MACROD2: variants seen among roughly 807,000 people sequenced by gnomAD.
MACROD2 encodes the protein ADP-ribose glycohydrolase MACROD2.
In MACROD2, 36 loss-of-function variants were observed where a neutral mutation model predicts 70.4. The ratio of observed to expected loss-of-function variants is 0.51; its 90% CI spans 0.39 to 0.68. The LOEUF (loss-of-function observed/expected upper bound fraction) is 0.68, where lower values mean the gene tolerates loss of function less well. Among genes scored for constraint, MACROD2 ranks in the 30% least tolerant of loss-of-function variants. MACROD2 has a pLI of 0.00. For missense variants in MACROD2, 496 were observed against 538.4 expected, an observed-to-expected ratio of 0.92 and a Z score of 0.78; for synonymous variants, 172 against 178.8, an observed-to-expected ratio of 0.96 and a Z score of 0.30.
chr20:14,141,464 G>A (rs1428759281), intron 3 of MACROD2, among the ~76,000 whole-genome samples: 4 of 152,178 alleles, frequency 2.6e-5, no homozygotes, highest in Admixed American at 6.5e-5. Context: ...ATTAAAGGGC[G>A]GCTGGGCGCA....
intron 5 of MACROD2, among the ~76,000 whole-genome samples, chr20:14,827,957 T>C (rs2072921134): frequency 6.6e-6 from 1 of 152,116 alleles, no homozygotes; most frequent in Non-Finnish European, 1.5e-5. Flanking sequence ...ATTCATATTA[T>C]GATCACACCA....
In MACROD2 at chr20:15,515,932, A is replaced by G. The variant is rs80291365; in HGVS notation, c.645+16085A>G. On this transcript the variant is annotated intron_variant, in intron 8 of 17. Transcript: ENST00000684519. The stretch of plus-strand genomic sequence containing the variant: ...GCTTTAGACTGTTGTCTAAAATGGG[A>G]AGCTTATCCTCAGGACAAATTGGAG... 6.7e-3 allele frequency among the ~76,000 whole-genome samples: 1,024 copies of G among 152,282 alleles called. 17 individuals are homozygous for G. Among genetic ancestry groups the G allele is most frequent in the African/African-American group, 0.021 (889 of 41,566 alleles).
chr20:14,927,477 A>G (rs1172804939), intron 5 of MACROD2, among the ~76,000 whole-genome samples: 1 of 152,156 alleles, frequency 6.6e-6, no homozygotes, highest in African/African-American at 2.4e-5. Flanking sequence ...ACAGCTCCTC[A>G]AGAGAACCAG....
At chr20:14,356,988 A>C (rs572909727) in intron 3 of MACROD2, among the ~76,000 whole-genome samples, 2 of 152,338 alleles carry the variant, frequency 1.3e-5, no homozygotes, top group Non-Finnish European at 2.9e-5. Context: ...TGAACAAAAC[A>C]GGCAGAAGTG....
intron 8 of MACROD2, among the ~76,000 whole-genome samples, chr20:15,687,862 CTT>C (rs1220673299): frequency 2.6e-5 from 4 of 152,116 alleles, no homozygotes; most frequent in Non-Finnish European, 5.9e-5. Flanking sequence ...CAGCTTTCCT[CTT>C]TTTTTGGTTA....
chr20:15,361,306 C>A (rs1231036989), intron 6 of MACROD2, among the ~76,000 whole-genome samples: 2 of 152,168 alleles, frequency 1.3e-5, no homozygotes, highest in African/African-American at 2.4e-5. Flanking sequence ...GCTATAGCAA[C>A]ATTTGTTGAA....
intron 3 of MACROD2, among the ~76,000 whole-genome samples, chr20:14,214,914 C>T (rs1410144401): frequency 2.0e-5 from 3 of 151,676 alleles, no homozygotes; most frequent in Admixed American, 2.0e-4. Flanking sequence ...TCATTCAGGT[C>T]ACTGCAAATG....
At chr20:14,292,207 C>T (rs1006899023) in intron 3 of MACROD2, among the ~76,000 whole-genome samples, 2 of 151,898 alleles carry the variant, frequency 1.3e-5, no homozygotes, top group African/African-American at 2.4e-5. Context: ...ACAGCTCTTA[C>T]TAGCCAACAC....
intron 3 of MACROD2, among the ~76,000 whole-genome samples, chr20:14,271,805 T>A (rs971745131): frequency 6.6e-6 from 1 of 152,032 alleles, no homozygotes; most frequent in East Asian, 1.9e-4. Context: ...TTAAAGGAGC[T>A]GATGGAGCTG....
intron 8 of MACROD2, among the ~76,000 whole-genome samples, chr20:15,516,490 G>T (rs377385344): frequency 1.1e-4 from 16 of 152,262 alleles, no homozygotes; most frequent in African/African-American, 3.9e-4. Flanking sequence ...ACACAAAGAG[G>T]CAATGATCAC....
At chr20:15,440,346 G>C (rs117762949) in intron 7 of MACROD2, among the ~76,000 whole-genome samples, 6,353 of 152,222 alleles carry the variant, frequency 0.042, 170 homozygotes, top group Middle Eastern at 0.085. Flanking sequence ...AGCAGCTCTC[G>C]TGTTTATCCA....
intron 8 of MACROD2, among the ~76,000 whole-genome samples, chr20:15,861,188 C>T (rs551822603): frequency 2.0e-4 from 30 of 152,172 alleles, no homozygotes; most frequent in Non-Finnish European, 2.6e-4. Flanking sequence ...TGTATCTTTA[C>T]GTTTTGAAAG....
chr20:14,918,616 TG>T (rs372896939), intron 5 of MACROD2, among the ~76,000 whole-genome samples: 116 of 146,468 alleles, frequency 7.9e-4, no homozygotes, highest in Middle Eastern at 3.4e-3. Context: ...GTGTTTTTTT[TG>T]TTTTTTTTTT....
At chr20:15,079,573 C>T (rs970258026) in intron 5 of MACROD2, among the ~76,000 whole-genome samples, 1 of 152,046 alleles carries the variant, frequency 6.6e-6, no homozygotes, top group African/African-American at 2.4e-5. Context: ...TATATTCCAC[C>T]ATTCATCCTC....
At chr20:15,312,504 C>T (rs1198206416) in intron 6 of MACROD2, among the ~76,000 whole-genome samples, 3 of 151,944 alleles carry the variant, frequency 2.0e-5, no homozygotes, top group Non-Finnish European at 4.4e-5. Flanking sequence ...TGGTTTAGTA[C>T]TATGTATGCT....
chr20:14,340,283 G>A (rs1016294514), intron 3 of MACROD2, among the ~76,000 whole-genome samples: 4 of 152,174 alleles, frequency 2.6e-5, no homozygotes, highest in African/African-American at 9.7e-5. Flanking sequence ...GATTAGCACA[G>A]CTGGGCTCCA....
intron 8 of MACROD2, among the ~76,000 whole-genome samples, chr20:15,542,352 A>G (rs1047558144): frequency 2.6e-5 from 4 of 152,346 alleles, no homozygotes; most frequent in Non-Finnish European, 4.4e-5. Flanking sequence ...GAAGTTCACA[A>G]TAGTAGATAT....
chr20:14,423,551 T>A (rs2122901783), intron 3 of MACROD2, among the ~76,000 whole-genome samples: 1 of 151,308 alleles, frequency 6.6e-6, no homozygotes, highest in Admixed American at 6.6e-5. Flanking sequence ...TACAAAAAAA[T>A]TAACCGCGCA....
At chr20:16,044,686 A>T in intron 17 of MACROD2, 47 bp downstream of exon 17, 1 of 1,547,424 alleles carries the variant, frequency 6.5e-7, no homozygotes, top group Non-Finnish European at 8.9e-7. Flanking sequence ...ACCAGCCATA[A>T]GAACTATTTG....
Sources: allele counts gnomAD v4.1 joint callset (sites outside exome capture counted in the v4.1 genomes callset), GRCh38; gene constraint gnomAD v4.1.1; transcripts MANE v1.5; gene names NCBI Gene and HGNC (gene_info 2026-07-23, HGNC 2026-07-21).